MYO9A: variants seen among roughly 807,000 people sequenced by gnomAD.
MYO9A encodes myosin IXA.
In MYO9A, 103 loss-of-function variants were observed where a neutral mutation model predicts 293.3. That is an observed-to-expected ratio of 0.35 (90% CI 0.30 to 0.41). The LOEUF (loss-of-function observed/expected upper bound fraction) is 0.41, where lower values mean the gene tolerates loss of function less well. MYO9A is among the 10% of genes least tolerant of loss of function. The pLI, the probability that MYO9A is intolerant of heterozygous loss-of-function variation, is 1.00. For missense variants in MYO9A, 2,685 were observed against 3,033.0 expected (o/e 0.89, Z 2.69); for synonymous variants, 1,001 against 1,035.7 (o/e 0.97, Z 0.64).
rs1268382888 is a variant in MYO9A, at chr15:72,116,726, G to A, written c.-72+954C>T. The A allele has an allele frequency of 2.0e-5, 3 of 152,214 alleles. No individual in the cohort carries two copies. The East Asian group carries it at 5.8e-4, about 29-fold the overall frequency. 9.4% of individuals were successfully genotyped at this position (152,214 alleles called of 1,614,324 possible). On this transcript the variant is annotated intron_variant, in intron 1 of 41. Coordinates refer to ENST00000356056, the MANE Select transcript of MYO9A (RefSeq NM_006901.4). ...AGGAGGTGAAGTAATACTACAAGAC[G>A]ACATAGTTATATCCACTAGTGCAAC...
rs750154931 is a variant in MYO9A, at chr15:71,893,670, A to C, written c.5142+9T>G. ...ATAGAAGATAGATAAACAAAAACTC[A>C]AAACTTACCTCTCTTTGGCCTGGCC... On this transcript the variant is annotated intron_variant, in intron 26 of 41. Coordinates refer to ENST00000356056, the MANE Select transcript of MYO9A (RefSeq NM_006901.4). 17 of 1,607,960 alleles carry C rather than the reference A, an allele frequency of 1.1e-5. No homozygotes were observed. Among genetic ancestry groups the C allele is most frequent in the Non-Finnish European group, 1.4e-5 (17 of 1,174,876 alleles).
chr15:71,852,021 T>G, intron 36 of MYO9A, 111 bp downstream of exon 36: 1 of 1,246,092 alleles, frequency 8.0e-7, no homozygotes, highest in Non-Finnish European at 1.1e-6. Flanking sequence ...AAGCTTACCT[T>G]TGAATCTATA....
chr15:72,062,168 C>T (rs1378037327), intron 1 of MYO9A, among the ~76,000 whole-genome samples: 5 of 152,160 alleles, frequency 3.3e-5, no homozygotes, highest in African/African-American at 9.7e-5. Flanking sequence ...GAGACAGCTA[C>T]AATAACCAAA....
At chr15:71,895,115 G>C (rs762138251) in intron 25 of MYO9A, among the ~76,000 whole-genome samples, 3 of 152,172 alleles carry the variant, frequency 2.0e-5, no homozygotes, top group Non-Finnish European at 2.9e-5. Context: ...CTAGCTATAG[G>C]CTTCTTAGAG....
chr15:71,922,001 G>A (rs1435101289), intron 18 of MYO9A, among the ~76,000 whole-genome samples: 2 of 151,758 alleles, frequency 1.3e-5, no homozygotes, highest in African/African-American at 4.8e-5. Flanking sequence ...TTTTGAGCAT[G>A]GAGTCTCACT....
chr15:71,895,403 C>T (rs1029392224), intron 25 of MYO9A, among the ~76,000 whole-genome samples: 2 of 152,170 alleles, frequency 1.3e-5, no homozygotes, highest in Non-Finnish European at 2.9e-5. Flanking sequence ...TACTCATCAC[C>T]ACTACAGTAC....
intron 13 of MYO9A, among the ~76,000 whole-genome samples, chr15:71,964,852 G>A (rs2075833273): frequency 6.6e-6 from 1 of 151,922 alleles, no homozygotes; most frequent in Non-Finnish European, 1.5e-5. Context: ...CTACTTGGGA[G>A]GCTGAGGAAC....
At chr15:72,075,822 C>T (rs1208384664) in intron 1 of MYO9A, among the ~76,000 whole-genome samples, 1 of 151,770 alleles carries the variant, frequency 6.6e-6, no homozygotes, top group Non-Finnish European at 1.5e-5. Flanking sequence ...TTTCTTCAGA[C>T]TGAAGGAAAA....
intron 1 of MYO9A, among the ~76,000 whole-genome samples, chr15:72,106,928 G>A (rs1042295828): frequency 6.6e-6 from 1 of 152,106 alleles, no homozygotes; most frequent in Non-Finnish European, 1.5e-5. Context: ...TACAGTCTAA[G>A]GACAAAAAGA....
chr15:71,930,221 T>C (rs1390622480), intron 18 of MYO9A, among the ~76,000 whole-genome samples: 1 of 152,188 alleles, frequency 6.6e-6, no homozygotes, highest in Non-Finnish European at 1.5e-5. Flanking sequence ...ATGCATTTGG[T>C]CCACTGTTTT....
chr15:71,929,384 A>C (rs1453876474), intron 18 of MYO9A, among the ~76,000 whole-genome samples: 1 of 152,174 alleles, frequency 6.6e-6, no homozygotes, highest in Non-Finnish European at 1.5e-5. Flanking sequence ...CCTAAGAGTA[A>C]AGCTTTCAAC....
chr15:71,951,202 T>G lies in MYO9A; in HGVS notation c.2302+575A>C, dbSNP rs531301469. ...GCACTGCAATCAAACTAAGTGGATTTACCAATGATACACAAAAATAACATT... is the reference window on the plus strand; with the variant it reads ...GCACTGCAATCAAACTAAGTGGATTGACCAATGATACACAAAAATAACATT... On this transcript the variant is annotated intron_variant, in intron 15 of 41. Coordinates refer to ENST00000356056, the MANE Select transcript of MYO9A (RefSeq NM_006901.4). Among the ~76,000 whole-genome samples, 201 of 152,328 alleles carry G rather than the reference T, an allele frequency of 1.3e-3. 1 individual carries two copies. The highest frequency in any genetic ancestry group is 4.6e-3 in the African/African-American group (192 of 41,574).
intron 1 of MYO9A, among the ~76,000 whole-genome samples, chr15:72,100,694 G>C (rs916699106): frequency 1.3e-5 from 2 of 150,562 alleles, no homozygotes; most frequent in Admixed American, 1.3e-4. Context: ...CCGCCGCCCC[G>C]TCTGAGAAGT....
intron 19 of MYO9A, among the ~76,000 whole-genome samples, chr15:71,914,095 T>C (rs2057939291): frequency 6.6e-6 from 1 of 152,188 alleles, no homozygotes. Context: ...TTTCTCTTCA[T>C]ACAATTTCCT....
At chr15:72,077,979 A>T (rs2079423531) in intron 1 of MYO9A, among the ~76,000 whole-genome samples, 1 of 152,088 alleles carries the variant, frequency 6.6e-6, no homozygotes, top group Admixed American at 6.6e-5. Flanking sequence ...GTGAGATAGT[A>T]CTATATGCCT....
intron 31 of MYO9A, among the ~76,000 whole-genome samples, chr15:71,876,057 C>CTTTA (rs1404543232): frequency 7.9e-5 from 12 of 152,000 alleles, no homozygotes; most frequent in Admixed American, 5.2e-4. Flanking sequence ...TGGAAGGATA[C>CTTTA]TTTAGAGATT....
chr15:71,946,117 A>G (rs1243843045), intron 15 of MYO9A, among the ~76,000 whole-genome samples: 1 of 152,184 alleles, frequency 6.6e-6, no homozygotes, highest in African/African-American at 2.4e-5. Flanking sequence ...TCAGCCAGCT[A>G]TTATTATTTC....
intron 25 of MYO9A, among the ~76,000 whole-genome samples, chr15:71,895,500 A>G (rs1481275633): frequency 6.6e-6 from 1 of 152,156 alleles, no homozygotes; most frequent in Non-Finnish European, 1.5e-5. Flanking sequence ...AGTCCCAGCC[A>G]TTTCTCTAAA....
chr15:71,968,150 T>G (rs771901258), intron 12 of MYO9A, 25 bp from the exon 13 acceptor site: 4 of 1,531,884 alleles, frequency 2.6e-6, no homozygotes, highest in South Asian at 1.2e-5. Context: ...AAAGAAAAAA[T>G]ATCATTACAG....
Sources: allele counts gnomAD v4.1 joint callset (sites outside exome capture counted in the v4.1 genomes callset), GRCh38; gene constraint gnomAD v4.1.1; transcripts MANE v1.5; gene names NCBI Gene and HGNC (gene_info 2026-07-23, HGNC 2026-07-21).